LRMDA: variants seen among roughly 807,000 people sequenced by gnomAD.
The protein encoded by LRMDA is leucine rich melanocyte differentiation associated, also known as leucine-rich melanocyte differentiation-associated protein.
In LRMDA, 18 loss-of-function variants were observed where a neutral mutation model predicts 29.8. The observed-to-expected ratio is 0.60, with a 90% confidence interval of 0.42 to 0.90. LRMDA has a LOEUF of 0.90. Among genes scored for constraint, LRMDA ranks in the 40% least tolerant of loss-of-function variants. The pLI is 0.00. For missense variants in LRMDA, 273 were observed against 273.9 expected (o/e 1.00, Z 0.02); for synonymous variants, 125 against 109.4 (o/e 1.14, Z -0.89).
intron 5 of LRMDA, among the ~76,000 whole-genome samples, chr10:76,165,609 G>T (rs894695871): frequency 1.3e-5 from 2 of 152,190 alleles, no homozygotes; most frequent in Admixed American, 1.3e-4. Context: ...TTCCTCATTG[G>T]CTGAGGAAGA....
intron 2 of LRMDA, among the ~76,000 whole-genome samples, chr10:75,863,867 T>C (rs1285900043): frequency 6.6e-6 from 1 of 152,232 alleles, no homozygotes; most frequent in Non-Finnish European, 1.5e-5. Flanking sequence ...AGCTGAAGAA[T>C]AGTCCCGAAA....
At chr10:76,441,463 G>C (rs1447204099) in intron 6 of LRMDA, among the ~76,000 whole-genome samples, 1 of 152,168 alleles carries the variant, frequency 6.6e-6, no homozygotes, top group East Asian at 1.9e-4. Context: ...TAACCCATAG[G>C]AATGTTGGGA....
chr10:76,453,143 C>T (rs1842423631), intron 6 of LRMDA, among the ~76,000 whole-genome samples: 1 of 152,146 alleles, frequency 6.6e-6, no homozygotes, highest in Non-Finnish European at 1.5e-5. Context: ...TAGCAGTGAC[C>T]AGGATTCCCT....
At chr10:75,670,379 C>T (rs1841876438) in intron 2 of LRMDA, among the ~76,000 whole-genome samples, 1 of 139,058 alleles carries the variant, frequency 7.2e-6, no homozygotes, top group Admixed American at 6.6e-5. Context: ...CTCCCTCTAA[C>T]CAGAGCATTT....
chr10:75,506,981 G>A (rs1177488834), intron 2 of LRMDA, among the ~76,000 whole-genome samples: 1 of 152,146 alleles, frequency 6.6e-6, no homozygotes, highest in East Asian at 1.9e-4. Context: ...GGGGAGAGTT[G>A]TGCTGTGGTT....
intron 6 of LRMDA, among the ~76,000 whole-genome samples, chr10:76,543,763 C>T (rs193295353): frequency 3.3e-4 from 51 of 152,310 alleles, no homozygotes; most frequent in Middle Eastern, 3.4e-3. Flanking sequence ...AGCTTCCATG[C>T]TTATTACTCA....
intron 6 of LRMDA, among the ~76,000 whole-genome samples, chr10:76,434,796 T>C (rs529414434): frequency 6.6e-6 from 1 of 152,358 alleles, no homozygotes; most frequent in South Asian, 2.1e-4. Flanking sequence ...TGGATATATG[T>C]ATGTGTGTGT....
intron 2 of LRMDA, among the ~76,000 whole-genome samples, chr10:75,840,750 G>A (rs910466709): frequency 4.6e-5 from 7 of 152,156 alleles, no homozygotes; most frequent in Non-Finnish European, 1.0e-4. Flanking sequence ...TTACAGTTGC[G>A]CCTTTCTTCA....
At chr10:76,155,789 A>G (rs971158371) in intron 5 of LRMDA, among the ~76,000 whole-genome samples, 2 of 152,192 alleles carry the variant, frequency 1.3e-5, no homozygotes, top group East Asian at 1.9e-4. Flanking sequence ...GACGCAGTCT[A>G]TCCTGACTAT....
At chr10:75,682,602 A>G (rs1842037384) in intron 2 of LRMDA, among the ~76,000 whole-genome samples, 1 of 152,242 alleles carries the variant, frequency 6.6e-6, no homozygotes, top group Non-Finnish European at 1.5e-5. Flanking sequence ...AACTCTGTGA[A>G]GGAGGAAATT....
At chr10:76,210,470 T>A (rs1278767990) in intron 5 of LRMDA, among the ~76,000 whole-genome samples, 1 of 152,232 alleles carries the variant, frequency 6.6e-6, no homozygotes, top group East Asian at 1.9e-4. Flanking sequence ...CTGAGTGTAC[T>A]GTACATAGTA....
chr10:76,108,767 G>C (rs1214667936), intron 5 of LRMDA, among the ~76,000 whole-genome samples: 3 of 152,162 alleles, frequency 2.0e-5, no homozygotes, highest in African/African-American at 4.8e-5. Context: ...TTCAGGTTCT[G>C]CCTCCTCCAA....
intron 5 of LRMDA, among the ~76,000 whole-genome samples, chr10:76,159,008 A>C (rs1248720529): frequency 2.0e-5 from 3 of 152,284 alleles, no homozygotes; most frequent in Non-Finnish European, 4.4e-5. Flanking sequence ...ATAAAACTTA[A>C]AGAAAATCAT....
intron 6 of LRMDA, among the ~76,000 whole-genome samples, chr10:76,521,473 A>G (rs577395435): frequency 1.3e-5 from 2 of 152,312 alleles, no homozygotes; most frequent in South Asian, 4.1e-4. Flanking sequence ...TGGTCCATAG[A>G]GTCAATACAT....
chr10:75,537,072 G>A (rs573073121), intron 2 of LRMDA, among the ~76,000 whole-genome samples: 6 of 152,178 alleles, frequency 3.9e-5, no homozygotes, highest in South Asian at 4.2e-4. Flanking sequence ...CTTACGTTCC[G>A]GTCAAGAGTG....
At chr10:76,000,178 TGGAGGACGGGGGCTG>T (rs1322910717) in intron 2 of LRMDA, among the ~76,000 whole-genome samples, 1 of 152,060 alleles carries the variant, frequency 6.6e-6, no homozygotes, top group Non-Finnish European at 1.5e-5. Flanking sequence ...GTGATGGAGG[TGGAGGACGGGGGCTG>T]GGAGGATGGC....
chr10:76,108,759 C>T (rs1363242054), intron 5 of LRMDA, among the ~76,000 whole-genome samples: 1 of 152,188 alleles, frequency 6.6e-6, no homozygotes, highest in African/African-American at 2.4e-5. Flanking sequence ...CCACATAGTT[C>T]AGGTTCTGCC....
chr10:75,553,901 C>T (rs542229890), intron 2 of LRMDA, among the ~76,000 whole-genome samples: 6 of 152,230 alleles, frequency 3.9e-5, no homozygotes, highest in Non-Finnish European at 7.4e-5. Context: ...AGTGCAGACT[C>T]TCCTTGTGGC....
chr10:76,495,708 TA>T (rs1842875378), intron 6 of LRMDA, among the ~76,000 whole-genome samples: 1 of 152,008 alleles, frequency 6.6e-6, no homozygotes, highest in Admixed American at 6.6e-5. Context: ...GTAATTTTTT[TA>T]TACAAATTGT....
Sources: allele counts gnomAD v4.1 joint callset (sites outside exome capture counted in the v4.1 genomes callset), GRCh38; gene constraint gnomAD v4.1.1; transcripts MANE v1.5; gene names NCBI Gene and HGNC (gene_info 2026-07-23, HGNC 2026-07-21).